Variants in GBX1 observed in about 807,000 individuals in gnomAD.
The protein encoded by GBX1 is gastrulation brain homeobox 1.
Under a neutral mutation model 22.9 loss-of-function variants are expected in GBX1, and 9 were observed. The ratio of observed to expected loss-of-function variants is 0.39; its 90% CI spans 0.24 to 0.69. The LOEUF is 0.69. Ranked by LOEUF, GBX1 falls within the 30% of genes least tolerant of loss-of-function variation. GBX1 has a pLI of 0.43. For missense variants in GBX1, 494 were observed against 509.2 expected (o/e 0.97, Z 0.29); for synonymous variants, 203 against 227.3 (o/e 0.89, Z 0.96).
intron 1 of GBX1, among the ~76,000 whole-genome samples, chr7:151,164,184 T>C (rs1801224499): frequency 6.6e-6 from 1 of 152,238 alleles, no homozygotes; most frequent in South Asian, 2.1e-4. Context: ...TTCAGACCCA[T>C]GTCACTCATT....
intron 1 of GBX1, among the ~76,000 whole-genome samples, chr7:151,155,670 T>A (rs1405612079): frequency 6.6e-5 from 10 of 152,236 alleles, no homozygotes; most frequent in Admixed American, 4.6e-4. Context: ...CAGGGCAATT[T>A]CCCACCATTT....
In GBX1 at chr7:151,149,020, T is replaced by G. The variant is rs1192015582; in HGVS notation, c.661A>C (p.Ser221Arg). The G allele has an allele frequency of 6.2e-7, 1 of 1,613,986 alleles. No individual in the cohort carries two copies. Among genetic ancestry groups the G allele is most frequent in the Non-Finnish European group, 8.5e-7 (1 of 1,180,006 alleles). ...GDSEDDGFLD[S>R]SAGGPGALLG... is the part of the protein sequence containing the mutation. ...AGAGCCCCTGGGCCCCCTGCAGAAC[T>G]GTCCAGGAAACCGTCATCCTCGCTG... is the stretch of plus-strand genomic sequence containing the variant. The change falls in exon 2 of 2, where the codon AGT becomes CGT. Residue 221 changes from serine (S) to arginine (R), a missense_variant. Around this residue, in one of 3 missense-constraint regions of GBX1, gnomAD observed 365 missense variants for 340.4 expected, o/e 1.07. Transcript: ENST00000297537.
Position 151,148,769 on chromosome 7 carries a change from C to T in GBX1, c.912G>A (p.Gln304=), listed in dbSNP as rs775219988. Residue 304 remains glutamine (Q), a synonymous_variant, in exon 2 of 2, where the codon CAG becomes CAA. Coordinates refer to ENST00000297537, the MANE Select transcript of GBX1 (RefSeq NM_001098834.3). The surrounding 1 kb of genome is among the most constrained non-coding windows in gnomAD (Gnocchi z 5.1). ...IAHALKLSEV[Q]VKIWFQNRRA... is the part of the protein sequence containing the mutation. ...GTCGATTCTGAAACCAGATCTTGAC[C>T]TGCACCTCACTGAGCTTGAGGGCGT... 29 of 1,614,218 alleles carry T rather than the reference C, an allele frequency of 1.8e-5. No individual in the cohort carries two copies. The Middle Eastern group carries it at 8.2e-4, about 46-fold the overall frequency.
intron 1 of GBX1, 87 bp from the exon 2 acceptor site, chr7:151,149,229 T>TG (rs1156520533): frequency 1.3e-4 from 169 of 1,297,636 alleles, no homozygotes; most frequent in Admixed American, 3.3e-4. Context: ...TGGCCAGAAA[T>TG]GGGGGGTTGG....
In GBX1 at chr7:151,167,183, G is replaced by C; in HGVS notation, c.366C>G (p.Ala122=). The stretch of plus-strand genomic sequence containing the variant: ...TGGCGGCGGCGGCGGCAGCGGCGGC[G>C]GCGAGCTCCTGGGGCCCGTAGAAAG... ...PDAFYGPQEL[A]AAAAAAAATA... is the part of the protein sequence containing the mutation. The change falls in exon 1 of 2, where the codon GCC becomes GCG. Residue 122 remains alanine (A), a synonymous_variant. Transcript: ENST00000297537. This position sits in a 1 kb window ranked among gnomAD's most constrained non-coding sequence, Gnocchi z 5.9. 1 of 1,576,962 alleles carries C rather than the reference G, an allele frequency of 6.3e-7. No individual in the cohort carries two copies. Among genetic ancestry groups the C allele is most frequent in the Non-Finnish European group, 8.6e-7 (1 of 1,163,966 alleles).
chr7:151,153,785 A>G (rs114019715), intron 1 of GBX1, among the ~76,000 whole-genome samples: 2,008 of 152,100 alleles, frequency 0.013, 51 homozygotes, highest in African/African-American at 0.046. Context: ...CTGGTCTCAA[A>G]CTTCTGGACT....
At chr7:151,159,503 G>T (rs1409703242) in intron 1 of GBX1, among the ~76,000 whole-genome samples, 1 of 152,124 alleles carries the variant, frequency 6.6e-6, no homozygotes, top group African/African-American at 2.4e-5. Context: ...TCCTACCTCA[G>T]CCTTCTGAGT....
At chr7:151,165,637 C>T (rs573629848) in intron 1 of GBX1, among the ~76,000 whole-genome samples, 2 of 152,120 alleles carry the variant, frequency 1.3e-5, no homozygotes, top group Non-Finnish European at 2.9e-5. Flanking sequence ...CCTTATGATC[C>T]CCCTTAGAAG....
chr7:151,158,014 T>C (rs1482087925), intron 1 of GBX1, among the ~76,000 whole-genome samples: 2 of 152,072 alleles, frequency 1.3e-5, no homozygotes, highest in African/African-American at 2.4e-5. Context: ...AGGAGCCAGG[T>C]TGGGAGCAAA....
Position 151,149,051 on chromosome 7 carries a change from G to T in GBX1, c.630C>A (p.Gly210=), listed in dbSNP as rs535536993. Residue 210 remains glycine, a synonymous_variant, in exon 2 of 2, where the codon GGC becomes GGA. Transcript: ENST00000297537. ...GGAAACCGTCATCCTCGCTGTCACCGCCTGAGCCCTCTTCCTCCTGTTCGC... is the reference window on the plus strand; with the variant it reads ...GGAAACCGTCATCCTCGCTGTCACCTCCTGAGCCCTCTTCCTCCTGTTCGC... ...AGSEQEEEGS[G]GDSEDDGFLD... is the part of the protein sequence containing the mutation. 2 of 1,613,778 alleles carry T rather than the reference G, an allele frequency of 1.2e-6. No individual in the cohort carries two copies. Among genetic ancestry groups the T allele is most frequent in the Non-Finnish European group, 1.7e-6 (2 of 1,180,010 alleles).
At chr7:151,154,814 T>C (rs548909233) in intron 1 of GBX1, among the ~76,000 whole-genome samples, 34 of 152,276 alleles carry the variant, frequency 2.2e-4, no homozygotes, top group South Asian at 4.2e-4. Context: ...ATCTCGGTAA[T>C]GGGTCAGTTC....
At position 151,148,485 on chromosome 7, in the gene GBX1, A is replaced by C. The variant is rs1319333558; in HGVS notation, c.*104T>G. On this transcript the variant is annotated 3_prime_UTR_variant, in exon 2 of 2. Coordinates refer to ENST00000297537, the MANE Select transcript of GBX1 (RefSeq NM_001098834.3). This position sits in a 1 kb window ranked among gnomAD's most constrained non-coding sequence, Gnocchi z 5.1. ...GGTTAATTGCCAACTAGCCCCTCTC[A>C]AGGCAGAATCACAGTTGCAGCCCCT... 3.5e-6 allele frequency: 4 copies of C among 1,136,456 alleles called. No individual in the cohort carries two copies. Among genetic ancestry groups the C allele is most frequent in the Non-Finnish European group, 5.0e-6 (4 of 804,178 alleles). The allele number at this position is 1,136,456 out of a possible 1,614,324, so 70.4% of individuals were successfully genotyped here.
chr7:151,149,463 C>T (rs774376218), intron 1 of GBX1, among the ~76,000 whole-genome samples: 13 of 149,248 alleles, frequency 8.7e-5, no homozygotes, highest in Non-Finnish European at 1.6e-4. Context: ...CCATCTCATT[C>T]GCACCCACCA....
intron 1 of GBX1, among the ~76,000 whole-genome samples, chr7:151,154,456 C>T (rs1487498891): frequency 1.3e-5 from 2 of 152,110 alleles, no homozygotes; most frequent in African/African-American, 4.8e-5. Context: ...AAGGTTCTGT[C>T]CTTTATGATG....
rs1197415824 is a variant in GBX1 at position 151,167,488 on chromosome 7, GGCCCCCGCCGCC to G, written c.49_60del (p.Gly17_Gly20del). 16 of 1,488,840 alleles carry G rather than the reference GGCCCCCGCCGCC, an allele frequency of 1.1e-5. No individual in the cohort carries two copies. The Admixed American group carries it at 1.4e-4, about 13-fold the overall frequency. The allele number at this position is 1,488,840 out of a possible 1,614,324, so 92.2% of individuals were successfully genotyped here. ...GAGTCGATGGAGAAGGCAGTGCCCG[GGCCCCCGCCGCC>G]GCCCCCGCCGTTGCCCCCAGGGGCG... On this transcript the variant is annotated inframe_deletion, in exon 1 of 2. Coordinates refer to ENST00000297537, the MANE Select transcript of GBX1 (RefSeq NM_001098834.3). The surrounding 1 kb of genome is among the most constrained non-coding windows in gnomAD (Gnocchi z 5.9).
rs1801044861 is a variant in GBX1, at chr7:151,148,885, TGCG to T, written c.793_795del (p.Arg265del). ...AAAAGCTGCTCGCTGGTAAATGCTG[TGCG>T]GCGCCGTCGGCTTTTCCCCCCAGGA... On this transcript the variant is annotated inframe_deletion, in exon 2 of 2. Coordinates refer to ENST00000297537, the MANE Select transcript of GBX1 (RefSeq NM_001098834.3). The surrounding 1 kb of genome is among the most constrained non-coding windows in gnomAD (Gnocchi z 5.1). The T allele has an allele frequency of 1.2e-6, 2 of 1,614,048 alleles. No homozygotes were observed. Among genetic ancestry groups the T allele is most frequent in the African/African-American group, 2.7e-5 (2 of 74,918 alleles).
intron 1 of GBX1, among the ~76,000 whole-genome samples, chr7:151,166,478 C>G (rs376902580): frequency 9.6e-5 from 12 of 124,372 alleles, no homozygotes; most frequent in African/African-American, 3.6e-4. Flanking sequence ...GACGCAACCC[C>G]CCCCCCCCAA....
rs1272300776 is a variant in GBX1, at chr7:151,167,486, C to T, written c.63G>A (p.Pro21=). 5 of 1,488,724 alleles carry T rather than the reference C, an allele frequency of 3.4e-6. No individual in the cohort carries two copies. The highest frequency in any genetic ancestry group is 3.5e-6 in the Non-Finnish European group (4 of 1,127,310). 92.2% of individuals were successfully genotyped at this position (1,488,724 alleles called of 1,614,324 possible). Residue 21 remains proline, a synonymous_variant, in exon 1 of 2, where the codon CCG becomes CCA. Transcript: ENST00000297537. The surrounding 1 kb of genome is among the most constrained non-coding windows in gnomAD (Gnocchi z 5.9). ...GGNGGGGGGG[P]GTAFSIDSLI... is the part of the protein sequence containing the mutation. ...GGGAGTCGATGGAGAAGGCAGTGCCCGGGCCCCCGCCGCCGCCCCCGCCGT... is the reference window on the plus strand; with the variant it reads ...GGGAGTCGATGGAGAAGGCAGTGCCTGGGCCCCCGCCGCCGCCCCCGCCGT...
intron 1 of GBX1, among the ~76,000 whole-genome samples, chr7:151,152,422 T>C (rs937969338): frequency 2.0e-5 from 3 of 152,206 alleles, no homozygotes; most frequent in East Asian, 1.9e-4. Context: ...TAAAAATCTA[T>C]AGGATGCTTA....
Sources: allele counts gnomAD v4.1 joint callset (sites outside exome capture counted in the v4.1 genomes callset), GRCh38; gene constraint gnomAD v4.1.1; regional missense constraint gnomAD v4.1.1; non-coding constraint Gnocchi (gnomAD v3.1); transcripts MANE v1.5; gene names NCBI Gene and HGNC (gene_info 2026-07-23, HGNC 2026-07-21).